CFAP61: variants seen among roughly 807,000 people sequenced by gnomAD.
CFAP61 encodes cilia and flagella associated protein 61.
CFAP61 carries 107 observed loss-of-function variants against 135.6 expected under a neutral mutation model. That is an observed-to-expected ratio of 0.79 (90% CI 0.67 to 0.93). The LOEUF is 0.93. CFAP61 is among the 40% of genes least tolerant of loss of function. CFAP61 has a pLI of 0.00. For missense variants in CFAP61, 1,507 were observed against 1,556.2 expected (o/e 0.97, Z 0.53); for synonymous variants, 575 against 578.5 (o/e 0.99, Z 0.09).
At chr20:20,169,639 G>A (rs1397299834) in intron 13 of CFAP61, among the ~76,000 whole-genome samples, 179 bp downstream of exon 13, 1 of 152,212 alleles carries the variant, frequency 6.6e-6, no homozygotes, top group Non-Finnish European at 1.5e-5. Flanking sequence ...CTTGAGAAGA[G>A]ATTTGTCCTG....
intron 26 of CFAP61, among the ~76,000 whole-genome samples, chr20:20,344,049 GA>G (rs2058547131): frequency 6.6e-6 from 1 of 152,120 alleles, no homozygotes; most frequent in Non-Finnish European, 1.5e-5. Flanking sequence ...GAAACCTCCG[GA>G]AGAAAAAAAT....
In CFAP61 at chr20:20,183,158, CT is replaced by C. The variant is rs10610282; in HGVS notation, c.1386-4757del. On this transcript the variant is annotated intron_variant, in intron 13 of 26. Coordinates refer to ENST00000245957, the MANE Select transcript of CFAP61 (RefSeq NM_015585.4). The stretch of plus-strand genomic sequence containing the variant: ...TTCTGATTTTTTTTTCTTTTCTTTT[CT>C]TTTTTTTTTTTTTTAGATAGAGTCT... Among the ~76,000 whole-genome samples the C allele has an allele frequency of 4.8e-3, 721 of 149,528 alleles. 1 individual carries two copies. The highest frequency in any genetic ancestry group is 0.012 in the Admixed American group (183 of 14,972).
At chr20:20,339,597 G>C (rs2058360574) in intron 25 of CFAP61, among the ~76,000 whole-genome samples, 1 of 151,998 alleles carries the variant, frequency 6.6e-6, no homozygotes, top group Admixed American at 6.6e-5. Flanking sequence ...AGCCTCCCTA[G>C]TAGCTGGGAC....
At chr20:20,242,087 G>C (rs2050053847) in intron 18 of CFAP61, among the ~76,000 whole-genome samples, 1 of 152,098 alleles carries the variant, frequency 6.6e-6, no homozygotes, top group Non-Finnish European at 1.5e-5. Context: ...TGCATTTCTG[G>C]CCTGCGCCAT....
intron 26 of CFAP61, among the ~76,000 whole-genome samples, chr20:20,344,595 C>G (rs995896890): frequency 6.6e-6 from 1 of 152,086 alleles, no homozygotes; most frequent in Non-Finnish European, 1.5e-5. Flanking sequence ...AAAAGACAGG[C>G]AGTAACAAAT....
At chr20:20,218,144 G>C (rs2048161133) in intron 17 of CFAP61, among the ~76,000 whole-genome samples, 1 of 152,164 alleles carries the variant, frequency 6.6e-6, no homozygotes, top group Non-Finnish European at 1.5e-5. Flanking sequence ...TGGTTTGGCT[G>C]TGTCCCCACC....
At position 20,139,913 on chromosome 20, in the gene CFAP61, T is replaced by G. The variant is rs192930383; in HGVS notation, c.860-2944T>G. 2.5e-3 allele frequency among the ~76,000 whole-genome samples: 381 copies of G among 152,330 alleles called. 2 individuals are homozygous for G. Among genetic ancestry groups the G allele is most frequent in the African/African-American group, 9.1e-3 (377 of 41,576 alleles). On this transcript the variant is annotated intron_variant, in intron 8 of 26. Coordinates refer to ENST00000245957, the MANE Select transcript of CFAP61 (RefSeq NM_015585.4). The stretch of plus-strand genomic sequence containing the variant: ...AAGCATGCACAGTGAATGTCTACTT[T>G]TAGTTGCATTTTTTGTAGTTCTTCA...
At chr20:20,327,094 T>C (rs1447748247) in intron 25 of CFAP61, among the ~76,000 whole-genome samples, 3 of 152,176 alleles carry the variant, frequency 2.0e-5, no homozygotes, top group Non-Finnish European at 4.4e-5. Flanking sequence ...TTGGGAAAGA[T>C]GTGGGTTTTG....
chr20:20,070,798 C>G, intron 2 of CFAP61, 56 bp from the exon 3 acceptor site: 350 of 1,516,550 alleles, frequency 2.3e-4, no homozygotes, highest in Non-Finnish European at 3.0e-4. Context: ...AATGGCATGT[C>G]CTCACCTCAC....
chr20:20,346,723 T>C (rs1041520873), intron 26 of CFAP61, among the ~76,000 whole-genome samples: 12 of 152,080 alleles, frequency 7.9e-5, no homozygotes, highest in Non-Finnish European at 1.3e-4. Context: ...GATATAACAA[T>C]TATAACCATA....
rs2059377597 is a variant in CFAP61 at position 20,359,037 on chromosome 20, T to C, written c.3514-1173T>C. 6.6e-6 allele frequency among the ~76,000 whole-genome samples: 1 copy of C among 152,162 alleles called. No homozygotes were observed. The highest frequency in any genetic ancestry group is 2.4e-5 in the African/African-American group (1 of 41,428). ...CAGATATGCAGTGGTGAAGCAAATA[T>C]AGCAGATGTTAACTGTGGAGTCCAG... On this transcript the variant is annotated intron_variant, in intron 26 of 26. Coordinates refer to ENST00000245957, the MANE Select transcript of CFAP61 (RefSeq NM_015585.4). This position sits in a 1 kb window ranked among gnomAD's most constrained non-coding sequence, Gnocchi z 4.0.
At position 20,277,350 on chromosome 20, in the gene CFAP61, T is replaced by C; in HGVS notation, c.2688T>C (p.Thr896=). Reference sequence around the variant, plus strand: ...ACGCGCTAGGAGCCGCCGGAGTCACTATGTACCGGGATGCGATCCTGGCCC... The same window carrying C: ...ACGCGCTAGGAGCCGCCGGAGTCACCATGTACCGGGATGCGATCCTGGCCC... ...VADALGAAGV[T]MYRDAILAQW... The change falls in exon 22 of 27, where the codon ACT becomes ACC. Residue 896 remains threonine, a synonymous_variant. Transcript: ENST00000245957. The C allele has an allele frequency of 2.5e-6, 4 of 1,614,136 alleles. No individual in the cohort carries two copies. The highest frequency in any genetic ancestry group is 3.4e-6 in the Non-Finnish European group (4 of 1,180,026).
chr20:20,250,688 A>G (rs527298790), intron 19 of CFAP61, among the ~76,000 whole-genome samples: 153 of 152,342 alleles, frequency 1.0e-3, no homozygotes, highest in African/African-American at 3.6e-3. Context: ...AGAAGCACTT[A>G]ATGTCCTATT....
intron 13 of CFAP61, among the ~76,000 whole-genome samples, chr20:20,179,039 T>A (rs982750798): frequency 6.6e-6 from 1 of 152,100 alleles, no homozygotes; most frequent in African/African-American, 2.4e-5. Flanking sequence ...TTTCCCTATT[T>A]TCTGCAAGAC....
chr20:20,124,275 G>A (rs2049908626), intron 8 of CFAP61, among the ~76,000 whole-genome samples: 1 of 151,636 alleles, frequency 6.6e-6, no homozygotes, highest in Admixed American at 6.6e-5. Flanking sequence ...CCAGTGCTAT[G>A]TTGAAGAGGA....
At chr20:20,295,104 C>T (rs971405858) in intron 24 of CFAP61, among the ~76,000 whole-genome samples, 4 of 152,118 alleles carry the variant, frequency 2.6e-5, no homozygotes, top group Non-Finnish European at 5.9e-5. Context: ...CAGCCTGCAG[C>T]CTGCAGGGCT....
chr20:20,294,680 G>A (rs1244360077), intron 24 of CFAP61, among the ~76,000 whole-genome samples: 1 of 152,040 alleles, frequency 6.6e-6, no homozygotes. Flanking sequence ...TGTAATCCCA[G>A]CACTTTGGGA....
intron 25 of CFAP61, among the ~76,000 whole-genome samples, chr20:20,311,202 G>A (rs2056807008): frequency 6.6e-6 from 1 of 152,188 alleles, no homozygotes; most frequent in East Asian, 1.9e-4. Context: ...AAACTATCAA[G>A]AAGACTCTGG....
Position 20,250,517 on chromosome 20 carries a change from G to A in CFAP61, c.2160-1078G>A, listed in dbSNP as rs11699010. Among the ~76,000 whole-genome samples, 444 of 152,316 alleles carry A rather than the reference G, an allele frequency of 2.9e-3. 1 individual carries two copies. Among genetic ancestry groups the A allele is most frequent in the Non-Finnish European group, 5.0e-3 (341 of 68,026 alleles). The stretch of plus-strand genomic sequence containing the variant: ...CAGTCCCAGCTACTCAGGAGGCTGA[G>A]GCAGGAGGATCACTTGAGCTCAGGA... On this transcript the variant is annotated intron_variant, in intron 19 of 26. Transcript: ENST00000245957.
Sources: gnomAD v4.1 joint callset for allele counts (sites outside exome capture counted in the v4.1 genomes callset) on GRCh38, gnomAD v4.1.1 for gene constraint, Gnocchi (gnomAD v3.1) non-coding constraint, MANE v1.5 for transcripts, NCBI Gene and HGNC (gene_info 2026-07-23, HGNC 2026-07-21) for gene names.